CTSA: variants seen among roughly 807,000 people sequenced by gnomAD.
CTSA encodes the protein cathepsin A.
CTSA carries 42 observed loss-of-function variants against 66.7 expected under a neutral mutation model. That is an observed-to-expected ratio of 0.63 (90% confidence interval 0.49 to 0.81). The LOEUF is 0.81. Among genes scored for constraint, CTSA ranks in the 40% least tolerant of loss-of-function variants. CTSA has a pLI of 0.00. For missense variants in CTSA, 525 were observed against 610.9 expected (o/e 0.86, Z 1.48); for synonymous variants, 225 against 248.6 (o/e 0.91, Z 0.89).
chr20:45,897,745 A>G lies in CTSA; in HGVS notation c.1193A>G (p.Asp398Gly). Reference sequence around the variant, plus strand: ...TACCAGATCCTATTATATAATGGAGATGTAGACATGGCCTGCAATTTCATG... The same window carrying G: ...TACCAGATCCTATTATATAATGGAGGTGTAGACATGGCCTGCAATTTCATG... ...QKYQILLYNGDVDMACNFMGD... is the reference protein window; with the variant it reads ...QKYQILLYNGGVDMACNFMGD... The change falls in exon 13 of 15, where the codon GAT (aspartate) becomes GGT (glycine). Residue 398 changes from aspartate to glycine, a missense_variant. By Grantham distance (94) the Asp-to-Gly change is moderately conservative. This residue lies in a region of CTSA where 274 missense variants were observed against 321.1 expected (regional missense o/e 0.85). Transcript: ENST00000646241. 6.2e-7 allele frequency: 1 copy of G among 1,611,380 alleles called. No individual in the cohort carries two copies. The highest frequency in any genetic ancestry group is 1.7e-5 in the Admixed American group (1 of 59,976).
Position 45,895,044 on chromosome 20 carries a change from C to T in CTSA, c.999C>T (p.Asn333=). Residue 333 remains asparagine (N), a synonymous_variant, in exon 11 of 15, where the codon AAC becomes AAT. Coordinates refer to ENST00000646241, the MANE Select transcript of CTSA (RefSeq NM_000308.4). Reference sequence around the variant, plus strand: ...TGCGCATGGACCCCCCCTGCACCAACACAACAGCTGCTTCCACCTACCTCA... The same window carrying T: ...TGCGCATGGACCCCCCCTGCACCAATACAACAGCTGCTTCCACCTACCTCA... The part of the protein sequence containing the change: ...DKVRMDPPCT[N]TTAASTYLNN... 6.2e-7 allele frequency: 1 copy of T among 1,614,192 alleles called. No homozygotes were observed. Among genetic ancestry groups the T allele is most frequent in the South Asian group, 1.1e-5 (1 of 91,092 alleles).
At chr20:45,893,489 T>TC (rs1189321749) in intron 7 of CTSA, 178 bp downstream of exon 7, 9 of 539,800 alleles carry the variant, frequency 1.7e-5, no homozygotes, top group African/African-American at 2.4e-5. Context: ...TTTCTTTCTT[T>TC]TTTTTTTTTT....
At position 45,897,001 on chromosome 20, in the gene CTSA, A is replaced by G; in HGVS notation, c.1125A>G (p.Arg375=). The G allele has an allele frequency of 6.2e-7, 1 of 1,614,088 alleles. No individual in the cohort carries two copies. The highest frequency in any genetic ancestry group is 1.6e-4 in the Middle Eastern group (1 of 6,062). ...ACTTACAGTACCGCCGTCTCTACCG[A>G]AGCATGAACTCCCAGTATCTGAAGC... ...LVNLQYRRLY[R]SMNSQYLKLL... is the part of the protein sequence containing the mutation. Residue 375 remains arginine (R), a synonymous_variant, in exon 12 of 15, where the codon CGA becomes CGG. Coordinates refer to ENST00000646241, the MANE Select transcript of CTSA (RefSeq NM_000308.4).
chr20:45,892,002 T>C lies in CTSA; in HGVS notation c.281T>C (p.Leu94Pro), dbSNP rs1986981063. The C allele has an allele frequency of 4.3e-6, 7 of 1,613,910 alleles. No individual in the cohort carries two copies. The highest frequency in any genetic ancestry group is 5.9e-6 in the Non-Finnish European group (7 of 1,179,954). ...GGPGCSSLDG[L>P]LTEHGPFLVQ... ...CCCGGCTGCAGCTCACTAGATGGGC[T>C]CCTCACAGAGCATGGCCCCTTCCTG... Residue 94 changes from leucine to proline, a missense_variant, in exon 3 of 15, where the codon CTC becomes CCC. Coordinates refer to ENST00000646241, the MANE Select transcript of CTSA (RefSeq NM_000308.4).
chr20:45,892,011 A>C lies in CTSA; in HGVS notation c.290A>C (p.Glu97Ala), dbSNP rs1278273855. Residue 97 changes from glutamate (E) to alanine (A), a missense_variant, in exon 3 of 15, where the codon GAG becomes GCG. By Grantham distance (107) the Glu-to-Ala change is moderately radical (BLOSUM62 -1). Coordinates refer to ENST00000646241, the MANE Select transcript of CTSA (RefSeq NM_000308.4). The part of the protein sequence containing the change: ...GCSSLDGLLT[E>A]HGPFLVQPDG... Reference sequence around the variant, plus strand: ...AGCTCACTAGATGGGCTCCTCACAGAGCATGGCCCCTTCCTGGTGAGTGGA... The same window carrying C: ...AGCTCACTAGATGGGCTCCTCACAGCGCATGGCCCCTTCCTGGTGAGTGGA... 6.2e-7 allele frequency: 1 copy of C among 1,614,022 alleles called. No homozygotes were observed. The highest frequency in any genetic ancestry group is 8.5e-7 in the Non-Finnish European group (1 of 1,179,908).
At chr20:45,893,915 G>A (rs112568032) in intron 7 of CTSA, 73 bp from the exon 8 acceptor site, 2 of 905,592 alleles carry the variant, frequency 2.2e-6, no homozygotes, top group Middle Eastern at 2.3e-4. Flanking sequence ...TGGGAGGTGG[G>A]GGGTATGCTC....
intron 11 of CTSA, chr20:45,896,448 T>C (rs2083107489): frequency 1.0e-5 from 2 of 193,712 alleles, no homozygotes; most frequent in Non-Finnish European, 2.2e-5. Flanking sequence ...TTTCTTTTTT[T>C]TTTTGAGATG....
intron 11 of CTSA, among the ~76,000 whole-genome samples, chr20:45,896,110 G>A (rs2083102464): frequency 6.6e-6 from 1 of 152,080 alleles, no homozygotes; most frequent in Admixed American, 6.6e-5. Context: ...GAGGAGAATC[G>A]CTTGAACCCA....
intron 12 of CTSA, chr20:45,897,243 G>C (rs2083120727): frequency 2.3e-5 from 14 of 621,934 alleles, no homozygotes; most frequent in Non-Finnish European, 4.0e-5. Flanking sequence ...GGAGGCCTAG[G>C]GGTCTGCATC....
At chr20:45,895,567 C>T (rs1334723271) in intron 11 of CTSA, among the ~76,000 whole-genome samples, 1 of 152,122 alleles carries the variant, frequency 6.6e-6, no homozygotes, top group African/African-American at 2.4e-5. Context: ...CCCATTTCAG[C>T]CTCCCAAAGT....
At position 45,898,199 on chromosome 20, in the gene CTSA, G is replaced by A. The variant is rs2046385330; in HGVS notation, c.1359+90G>A. 3 of 1,442,320 alleles carry A rather than the reference G, an allele frequency of 2.1e-6. No homozygotes were observed. In the Admixed American group the frequency reaches 5.6e-5, roughly 27 times the overall value. 89.3% of individuals were successfully genotyped at this position (1,442,320 alleles called of 1,614,324 possible). Reference sequence around the variant, plus strand: ...TTCCCTCTGGCTGCCTTTTAGGCTGGGTCATGGGTCACCATCTGGCCCCTG... The same window carrying A: ...TTCCCTCTGGCTGCCTTTTAGGCTGAGTCATGGGTCACCATCTGGCCCCTG... On this transcript the variant is annotated intron_variant, in intron 14 of 14. Coordinates refer to ENST00000646241, the MANE Select transcript of CTSA (RefSeq NM_000308.4). The surrounding 1 kb of genome is among the most constrained non-coding windows in gnomAD (Gnocchi z 4.6).
At chr20:45,892,574 A>G (rs1987023457) in intron 5 of CTSA, 90 bp downstream of exon 5, 1 of 1,517,974 alleles carries the variant, frequency 6.6e-7, no homozygotes. Flanking sequence ...CTTGGAGTCT[A>G]CTTTTCGCTC....
At chr20:45,894,163 G>C in intron 8 of CTSA, 91 bp downstream of exon 8, 1 of 924,624 alleles carries the variant, frequency 1.1e-6, no homozygotes, top group East Asian at 2.4e-5. Flanking sequence ...CTTGTTCTCC[G>C]TCCCTCATTG....
intron 8 of CTSA, 200 bp downstream of exon 8, chr20:45,894,272 G>T (rs529673308): frequency 1.2e-5 from 8 of 654,348 alleles, no homozygotes; most frequent in Non-Finnish European, 1.9e-5. Flanking sequence ...CATAACCTCC[G>T]TGAGGAGAAA....
In CTSA at chr20:45,892,390, C is replaced by A. The variant is rs1292097696; in HGVS notation, c.358-8C>A. The A allele has an allele frequency of 8.1e-6, 13 of 1,613,954 alleles. No individual in the cohort carries two copies. Among genetic ancestry groups the A allele is most frequent in the Non-Finnish European group, 8.5e-6 (10 of 1,179,956 alleles). ...GTGGCATTTAGCTAATTTTTCCCTC[C>A]CCTCTAGATTGCCAATGTGTTATAC... On this transcript the variant is annotated splice_polypyrimidine_tract_variant and splice_region_variant and intron_variant, in intron 4 of 14. Transcript: ENST00000646241.
Position 45,891,527 on chromosome 20 carries a change from C to T in CTSA, c.1-42C>T, listed in dbSNP as rs1986909206. The T allele has an allele frequency of 1.3e-6, 2 of 1,570,992 alleles. No homozygotes were observed. Among genetic ancestry groups the T allele is most frequent in the Non-Finnish European group, 1.7e-6 (2 of 1,161,908 alleles). On this transcript the variant is annotated intron_variant, in intron 1 of 14. Transcript: ENST00000646241. This position sits in a 1 kb window ranked among gnomAD's most constrained non-coding sequence, Gnocchi z 4.6. The stretch of plus-strand genomic sequence containing the variant: ...CTCCCCGGGGGCTGCTGCACGGAAG[C>T]GCTGAGGAGCGAGTCAACAGCCCCT...
intron 5 of CTSA, 65 bp from the exon 6 acceptor site, chr20:45,892,660 G>A (rs1987027929): frequency 1.2e-6 from 2 of 1,604,648 alleles, no homozygotes; most frequent in African/African-American, 1.3e-5. Context: ...CATTATCTCT[G>A]AAGTTCTTTC....
chr20:45,896,252 C>CCA (rs1201313424), intron 11 of CTSA: 1 of 152,712 alleles, frequency 6.5e-6, no homozygotes, highest in Non-Finnish European at 1.4e-5. Context: ...CCACCCCCCC[C>CCA]CACAACCCCA....
At chr20:45,892,519 C>T in intron 5 of CTSA, 35 bp downstream of exon 5, 2 of 1,595,766 alleles carry the variant, frequency 1.3e-6, no homozygotes, top group Non-Finnish European at 1.7e-6. Context: ...CCCCAGGCTC[C>T]CCGGTCCTCC....
Sources: gnomAD v4.1 joint callset for allele counts (sites outside exome capture counted in the v4.1 genomes callset) on GRCh38, gnomAD v4.1.1 for gene constraint, gnomAD v4.1.1 regional missense constraint, Gnocchi (gnomAD v3.1) non-coding constraint, MANE v1.5 for transcripts, NCBI Gene and HGNC (gene_info 2026-07-23, HGNC 2026-07-21) for gene names.